The following GPHN variants were observed in gnomAD, a reference collection of about 807,000 sequenced individuals.
GPHN encodes the protein gephyrin.
GPHN carries 17 observed loss-of-function variants against 95.5 expected under a neutral mutation model. The observed-to-expected ratio is 0.18, with a 90% confidence interval of 0.12 to 0.27. The LOEUF (loss-of-function observed/expected upper bound fraction) is 0.27. GPHN is among the 10% of genes least tolerant of loss of function. The probability of loss-of-function intolerance (pLI) is 1.00; values close to 1 mark genes in which losing one functional copy is unlikely to be tolerated. For missense variants in GPHN, 660 were observed against 978.1 expected (o/e 0.67, Z 4.34); for synonymous variants, 320 against 322.5 (o/e 0.99, Z 0.08).
At chr14:67,562,076 T>A in the GPHN span, 1 of 1,607,528 alleles carries the variant, frequency 6.2e-7, no homozygotes, top group South Asian at 1.1e-5. Context: ...TACGTGTGTT[T>A]GGTGGGTATG....
intron 18 of GPHN, among the ~76,000 whole-genome samples, chr14:67,148,168 C>G (rs1440337839): frequency 6.6e-6 from 1 of 152,088 alleles, no homozygotes; most frequent in Non-Finnish European, 1.5e-5. Context: ...ATAACCTTGG[C>G]TCAATTCATA....
At chr14:67,341,514 G>C in the GPHN span, among the ~76,000 whole-genome samples, 18 of 151,442 alleles carry the variant, frequency 1.2e-4, no homozygotes, top group East Asian at 2.2e-3. Context: ...AGGGAGGTGG[G>C]GGGGGTCAGC....
the GPHN span, chr14:67,729,564 A>T: frequency 1.5e-6 from 1 of 667,092 alleles, no homozygotes; most frequent in Non-Finnish European, 2.7e-6. Flanking sequence ...ATGTGTTGGG[A>T]AGAGTTGCTT....
chr14:67,239,236 T>C, the GPHN span, among the ~76,000 whole-genome samples: 1 of 152,196 alleles, frequency 6.6e-6, no homozygotes, highest in African/African-American at 2.4e-5. Context: ...GATAAAGATA[T>C]ACTATCTTTC....
At chr14:67,264,970 G>T in the GPHN span, among the ~76,000 whole-genome samples, 8 of 152,078 alleles carry the variant, frequency 5.3e-5, 1 homozygote, top group Non-Finnish European at 1.0e-4. Flanking sequence ...GATGATTTAT[G>T]TGGGTTTAAG....
the GPHN span, among the ~76,000 whole-genome samples, chr14:67,327,633 T>TC: frequency 6.6e-6 from 1 of 151,934 alleles, no homozygotes; most frequent in Non-Finnish European, 1.5e-5. Flanking sequence ...ATGCTATCCC[T>TC]CCCCTCTCCC....
At chr14:67,290,850 A>G in the GPHN span, among the ~76,000 whole-genome samples, 1 of 152,204 alleles carries the variant, frequency 6.6e-6, no homozygotes, top group Non-Finnish European at 1.5e-5. Context: ...TGATTATTTA[A>G]TAAGTGGTAC....
At chr14:66,704,793 A>G (rs1165830297) in intron 2 of GPHN, among the ~76,000 whole-genome samples, 1 of 152,200 alleles carries the variant, frequency 6.6e-6, no homozygotes, top group Non-Finnish European at 1.5e-5. Flanking sequence ...AGCTAGTAGA[A>G]GACAAGAAAT....
chr14:67,080,578 T>G (rs2076654909), intron 11 of GPHN, among the ~76,000 whole-genome samples: 2 of 152,146 alleles, frequency 1.3e-5, no homozygotes, highest in Admixed American at 1.3e-4. Flanking sequence ...GAGTTAATTT[T>G]CTTTGTTGTT....
intron 1 of GPHN, among the ~76,000 whole-genome samples, chr14:66,660,632 G>A (rs1463344197): frequency 6.6e-6 from 1 of 152,122 alleles, no homozygotes; most frequent in African/African-American, 2.4e-5. Context: ...AGTACTTCCA[G>A]TGGGGCGCCA....
At chr14:66,732,062 C>T (rs2071816922) in intron 2 of GPHN, among the ~76,000 whole-genome samples, 1 of 152,186 alleles carries the variant, frequency 6.6e-6, no homozygotes, top group South Asian at 2.1e-4. Context: ...ATGGAAACAC[C>T]TGGATGTCCA....
chr14:66,906,723 C>T (rs1282075065), intron 5 of GPHN, among the ~76,000 whole-genome samples: 1 of 152,150 alleles, frequency 6.6e-6, no homozygotes, highest in East Asian at 1.9e-4. Flanking sequence ...GAGATTTCCT[C>T]TTTGATCCAT....
the GPHN span, among the ~76,000 whole-genome samples, chr14:67,358,112 G>A: frequency 2.0e-5 from 3 of 152,104 alleles, no homozygotes; most frequent in African/African-American, 7.2e-5. Flanking sequence ...GCGGCGGGGG[G>A]CGGCCTGGGG....
At chr14:67,367,847 A>G in the GPHN span, among the ~76,000 whole-genome samples, 1 of 151,916 alleles carries the variant, frequency 6.6e-6, no homozygotes, top group African/African-American at 2.4e-5. Flanking sequence ...AAAAAAAAAA[A>G]GAGAGAGGTG....
intron 13 of GPHN, among the ~76,000 whole-genome samples, chr14:67,102,124 G>A (rs1249275013): frequency 2.6e-5 from 4 of 151,728 alleles, no homozygotes; most frequent in African/African-American, 4.8e-5. Flanking sequence ...CGCCCGCCTC[G>A]GCCTTCCAAA....
At chr14:66,575,702 C>CT (rs1460487003) in intron 1 of GPHN, among the ~76,000 whole-genome samples, 1 of 151,988 alleles carries the variant, frequency 6.6e-6, no homozygotes, top group African/African-American at 2.4e-5. Context: ...TGCCTGGGGG[C>CT]TGTCTTGGCA....
chr14:67,662,208 C>T, the GPHN span, among the ~76,000 whole-genome samples: 1 of 151,554 alleles, frequency 6.6e-6, no homozygotes, highest in Non-Finnish European at 1.5e-5. Context: ...TTTTAAAAGA[C>T]TGCTTGGGTA....
At chr14:67,163,393 C>G (rs1398190851) in intron 19 of GPHN, among the ~76,000 whole-genome samples, 1 of 152,058 alleles carries the variant, frequency 6.6e-6, no homozygotes, top group East Asian at 1.9e-4. Flanking sequence ...CTACTATTCT[C>G]TGGTTCTCAA....
the GPHN span, among the ~76,000 whole-genome samples, chr14:67,468,441 T>C: frequency 6.6e-6 from 1 of 152,238 alleles, no homozygotes; most frequent in African/African-American, 2.4e-5. Flanking sequence ...ATGTACTCAC[T>C]GTCAGTAAAC....
Sources: gnomAD v4.1 joint callset for allele counts (sites outside exome capture counted in the v4.1 genomes callset) on GRCh38, gnomAD v4.1.1 for gene constraint, MANE v1.5 for transcripts, NCBI Gene and HGNC (gene_info 2026-07-23, HGNC 2026-07-21) for gene names.